ABCA3: variants seen among roughly 807,000 people sequenced by gnomAD.
ABCA3 encodes the protein phospholipid-transporting ATPase ABCA3.
ABCA3 carries 88 observed loss-of-function variants against 172.8 expected under a neutral mutation model. The observed-to-expected ratio is 0.51, with a 90% CI of 0.43 to 0.61. ABCA3 has a LOEUF of 0.61. Ranked by LOEUF, ABCA3 falls within the 20% of genes least tolerant of loss-of-function variation. ABCA3 has a pLI of 0.00. For synonymous variants in ABCA3, 1,066 were observed against 983.8 expected (o/e 1.08, Z -1.56); for missense variants, 2,164 against 2,301.0 (o/e 0.94, Z 1.22).
At chr16:2,308,964 GAGA>G (rs898071394) in intron 10 of ABCA3, among the ~76,000 whole-genome samples, 7 of 150,618 alleles carry the variant, frequency 4.6e-5, no homozygotes, top group African/African-American at 9.7e-5. Flanking sequence ...TTTTTTTTTT[GAGA>G]AGGAGTCTTG....
At chr16:2,330,572 G>A (rs2093741532) in intron 1 of ABCA3, among the ~76,000 whole-genome samples, 1 of 151,826 alleles carries the variant, frequency 6.6e-6, no homozygotes, top group South Asian at 2.1e-4. Flanking sequence ...CGCCGACCTT[G>A]GCCTCTCACA....
rs1249419075 is a variant in ABCA3 at position 2,286,997 on chromosome 16, C to G, written c.3005-30G>C. 1.2e-6 allele frequency: 2 copies of G among 1,605,480 alleles called. No homozygotes were observed. The highest frequency in any genetic ancestry group is 1.7e-6 in the Non-Finnish European group (2 of 1,176,870). ...GGAGCAATGGCAGAGTCAGGGGACA[C>G]AGGAAGAGGTGACACCTGGGCACCC... is the stretch of plus-strand genomic sequence containing the variant. On this transcript the variant is annotated intron_variant, in intron 21 of 32. Transcript: ENST00000301732. The surrounding 1 kb of genome is among the most constrained non-coding windows in gnomAD (Gnocchi z 5.2).
chr16:2,301,030 A>C (rs989948167), intron 12 of ABCA3, among the ~76,000 whole-genome samples: 1 of 149,762 alleles, frequency 6.7e-6, no homozygotes, highest in African/African-American at 2.5e-5. Flanking sequence ...GGAGATCGAG[A>C]CCATCCTGGC....
At chr16:2,335,470 A>G (rs1243472052) in intron 1 of ABCA3, among the ~76,000 whole-genome samples, 1 of 151,806 alleles carries the variant, frequency 6.6e-6, no homozygotes, top group Non-Finnish European at 1.5e-5. Flanking sequence ...GAGTCTCACT[A>G]TGTTGCCCAG....
At chr16:2,316,733 G>C (rs1218576464) in intron 10 of ABCA3, among the ~76,000 whole-genome samples, 1 of 151,824 alleles carries the variant, frequency 6.6e-6, no homozygotes, top group Admixed American at 6.6e-5. Context: ...GGTGAGGTTG[G>C]AGTTTTACCT....
intron 7 of ABCA3, among the ~76,000 whole-genome samples, chr16:2,320,212 C>G (rs995390936): frequency 6.6e-6 from 1 of 151,816 alleles, no homozygotes; most frequent in African/African-American, 2.4e-5. Context: ...GATTCTCCTG[C>G]CTCAGCCTCC....
intron 3 of ABCA3, 23 bp from the exon 4 acceptor site, chr16:2,326,515 G>T: frequency 6.3e-7 from 1 of 1,582,922 alleles, no homozygotes; most frequent in East Asian, 2.3e-5. Flanking sequence ...CAAAGACAGA[G>T]AGTGTGGGTG....
intron 7 of ABCA3, 86 bp downstream of exon 7, chr16:2,323,437 A>G: frequency 1.3e-6 from 2 of 1,549,144 alleles, no homozygotes; most frequent in Non-Finnish European, 1.8e-6. Flanking sequence ...TTCAAGAAAT[A>G]CTTTTGCAAA....
rs143814058 is a variant in ABCA3 at position 2,326,155 on chromosome 16, C to T, written c.174G>A (p.Pro58=). 8.1e-6 allele frequency: 13 copies of T among 1,614,016 alleles called. No homozygotes were observed. Among genetic ancestry groups the T allele is most frequent in the South Asian group, 5.5e-5 (5 of 91,090 alleles). ...GAGGCAGCTCCTGGATGGACTGGCCCGGGTAGATGGTGGCGTTGGGCACAT... is the reference window on the plus strand; with the variant it reads ...GAGGCAGCTCCTGGATGGACTGGCCTGGGTAGATGGTGGCGTTGGGCACAT... ...SENVPNATIY[P]GQSIQELPLF... The change falls in exon 5 of 33, where the codon CCG becomes CCA. Residue 58 remains proline (P), a synonymous_variant. Coordinates refer to ENST00000301732, the MANE Select transcript of ABCA3 (RefSeq NM_001089.3).
chr16:2,303,865 G>T, intron 12 of ABCA3, 104 bp downstream of exon 12: 1 of 1,311,110 alleles, frequency 7.6e-7, no homozygotes, highest in Non-Finnish European at 1.1e-6. Flanking sequence ...CCAGCCCCAC[G>T]CAGGTGCTGC....
intron 11 of ABCA3, among the ~76,000 whole-genome samples, chr16:2,308,223 G>T (rs1001089610): frequency 6.6e-6 from 1 of 152,186 alleles, no homozygotes; most frequent in Non-Finnish European, 1.5e-5. Flanking sequence ...CTGCCCTGTG[G>T]CTCCCATCAC....
rs754751349 is a variant in ABCA3 at position 2,297,040 on chromosome 16, G to A, written c.2263+289C>T. Among the ~76,000 whole-genome samples, 2 of 152,164 alleles carry A rather than the reference G, an allele frequency of 1.3e-5. No individual in the cohort carries two copies. The highest frequency in any genetic ancestry group is 2.4e-5 in the African/African-American group (1 of 41,434). ...GAGCTGCCATGTTGGTGCGTGTGTT[G>A]GCCTCTCCAAGGGCAGTGCTGCTCC... On this transcript the variant is annotated intron_variant, in intron 17 of 32. Transcript: ENST00000301732. This position sits in a 1 kb window ranked among gnomAD's most constrained non-coding sequence, Gnocchi z 5.6.
At chr16:2,331,817 C>G (rs2093743703) in intron 1 of ABCA3, among the ~76,000 whole-genome samples, 1 of 152,194 alleles carries the variant, frequency 6.6e-6, no homozygotes, top group African/African-American at 2.4e-5. Flanking sequence ...AGGACTCCAG[C>G]CACTCCTAAA....
Position 2,285,711 on chromosome 16 carries a change from T to G in ABCA3, c.3279-65A>C. On this transcript the variant is annotated intron_variant, in intron 22 of 32. Coordinates refer to ENST00000301732, the MANE Select transcript of ABCA3 (RefSeq NM_001089.3). The surrounding 1 kb of genome is among the most constrained non-coding windows in gnomAD (Gnocchi z 4.7). ...GTCTGGGTGGCAGGAGAGGTCGGGT[T>G]CTCGGTTATGACCGCCCAAGGCATG... 6.6e-7 allele frequency: 1 copy of G among 1,514,474 alleles called. No homozygotes were observed. Among genetic ancestry groups the G allele is most frequent in the South Asian group, 1.2e-5 (1 of 83,066 alleles). 93.8% of individuals were successfully genotyped at this position (1,514,474 alleles called of 1,614,324 possible).
In ABCA3 at chr16:2,297,681, G is replaced by C; in HGVS notation, c.2052+85C>G. On this transcript the variant is annotated intron_variant, in intron 16 of 32. Coordinates refer to ENST00000301732, the MANE Select transcript of ABCA3 (RefSeq NM_001089.3). This position sits in a 1 kb window ranked among gnomAD's most constrained non-coding sequence, Gnocchi z 5.6. ...GTGATGGCCTTGTCTGGGGTGTCAA[G>C]GGCCAAGGTGCCCGGGCCATGGCGG... The C allele has an allele frequency of 6.3e-7, 1 of 1,595,110 alleles. No individual in the cohort carries two copies. The highest frequency in any genetic ancestry group is 8.5e-7 in the Non-Finnish European group (1 of 1,175,586).
intron 14 of ABCA3, among the ~76,000 whole-genome samples, chr16:2,298,888 G>C (rs2093684429): frequency 6.6e-6 from 1 of 152,188 alleles, no homozygotes; most frequent in South Asian, 2.1e-4. Context: ...CCAGTGGCCG[G>C]TGTGGTGCAC....
At chr16:2,300,514 C>T (rs2093687216) in intron 12 of ABCA3, among the ~76,000 whole-genome samples, 1 of 152,172 alleles carries the variant, frequency 6.6e-6, no homozygotes, top group Admixed American at 6.6e-5. Flanking sequence ...AAAGCTGTGT[C>T]CCCATGCCAC....
rs45460498 is a variant in ABCA3 at position 2,324,761 on chromosome 16, T to C, written c.320-230A>G. ...GCAGTGAGTTCTCCTGGTGCGGGTT[T>C]TTTGGAGCAGAGCTGGAGGCTCCGG... On this transcript the variant is annotated intron_variant, in intron 5 of 32. Coordinates refer to ENST00000301732, the MANE Select transcript of ABCA3 (RefSeq NM_001089.3). Among the ~76,000 whole-genome samples the C allele has an allele frequency of 3.9e-3, 590 of 152,154 alleles. 3 individuals carry two copies. Among genetic ancestry groups the C allele is most frequent in the African/African-American group, 0.014 (566 of 41,520 alleles).
In ABCA3 at chr16:2,276,408, G is replaced by A. The variant is rs2093646410; in HGVS notation, c.*266C>T. On this transcript the variant is annotated 3_prime_UTR_variant, in exon 33 of 33. Transcript: ENST00000301732. ...GTCAGCTCTCCACCCAGAGACCCCG[G>A]AGCTTGCCCGCAGACTGCCCGGCCT... 1.6e-6 allele frequency: 1 copy of A among 618,986 alleles called. No homozygotes were observed. Among genetic ancestry groups the A allele is most frequent in the South Asian group, 1.5e-5 (1 of 66,062 alleles). 38.3% of individuals were successfully genotyped at this position (618,986 alleles called of 1,614,324 possible).
Sources: gnomAD v4.1 joint callset for allele counts (sites outside exome capture counted in the v4.1 genomes callset) on GRCh38, gnomAD v4.1.1 for gene constraint, Gnocchi (gnomAD v3.1) non-coding constraint, MANE v1.5 for transcripts, NCBI Gene and HGNC (gene_info 2026-07-23, HGNC 2026-07-21) for gene names.